The following PHACTR1 variants were observed in gnomAD, a reference collection of about 807,000 sequenced individuals.
PHACTR1 encodes phosphatase and actin regulator 1, also known as RPEL repeat containing 1.
Under a neutral mutation model 69.2 loss-of-function variants are expected in PHACTR1, and 16 were observed. The ratio of observed to expected loss-of-function variants is 0.23; its 90% CI spans 0.16 to 0.35. The LOEUF (loss-of-function observed/expected upper bound fraction) is 0.35, where lower values mean the gene tolerates loss of function less well. PHACTR1 is among the 10% of genes least tolerant of loss of function. PHACTR1 has a pLI of 1.00. For synonymous variants in PHACTR1, 312 were observed against 284.5 expected (o/e 1.10, Z -0.97); for missense variants, 510 against 734.7 (o/e 0.69, Z 3.54).
rs192153401 is a variant in PHACTR1, at chr6:13,033,080, T to G, written c.251-20285T>G. 5.9e-5 allele frequency among the ~76,000 whole-genome samples: 9 copies of G among 152,302 alleles called. No homozygotes were observed. In the South Asian group the frequency reaches 1.0e-3, roughly 18 times the overall value. On this transcript the variant is annotated intron_variant, in intron 4 of 14. Transcript: ENST00000332995. ...TTATGATTTCATTGTTTTTCCAGAG[T>G]GCTAAGGCATTCATCCTAACTTGCA... is the stretch of plus-strand genomic sequence containing the variant.
At chr6:12,944,881 C>T (rs561665182) in intron 4 of PHACTR1, among the ~76,000 whole-genome samples, 1 of 151,710 alleles carries the variant, frequency 6.6e-6, no homozygotes, top group African/African-American at 2.4e-5. Context: ...CTCCCGGGTT[C>T]ACGCCATTCT....
chr6:13,102,273 A>C (rs1224954320), intron 5 of PHACTR1, among the ~76,000 whole-genome samples: 1 of 152,222 alleles, frequency 6.6e-6, no homozygotes, highest in Non-Finnish European at 1.5e-5. Context: ...ACTAATCATC[A>C]GAATTCAACA....
chr6:13,041,509 G>A (rs1410120337), intron 4 of PHACTR1, among the ~76,000 whole-genome samples: 2 of 152,052 alleles, frequency 1.3e-5, no homozygotes, highest in Admixed American at 6.5e-5. Flanking sequence ...GGGAGGTAAT[G>A]GGAGCTACAT....
At chr6:13,033,180 T>C (rs1030021584) in intron 4 of PHACTR1, among the ~76,000 whole-genome samples, 2 of 152,196 alleles carry the variant, frequency 1.3e-5, no homozygotes, top group Non-Finnish European at 2.9e-5. Flanking sequence ...TACACAAAAT[T>C]GCCTTTAAAC....
intron 5 of PHACTR1, among the ~76,000 whole-genome samples, chr6:13,136,936 A>G (rs1821656243): frequency 6.6e-6 from 1 of 152,244 alleles, no homozygotes; most frequent in Admixed American, 6.5e-5. Context: ...ACAGATCACC[A>G]TAACAGACCT....
At position 13,283,535 on chromosome 6, in the gene PHACTR1, G is replaced by A. The variant is rs532711531; in HGVS notation, c.1623G>A (p.Pro541=). The A allele has an allele frequency of 4.2e-5, 68 of 1,613,842 alleles. No individual in the cohort carries two copies. The East Asian group carries it at 6.7e-4, about 16-fold the overall frequency. The change falls in exon 13 of 15, where the codon CCG becomes CCA. Residue 541 remains proline (P), a synonymous_variant. Coordinates refer to ENST00000332995, the MANE Select transcript of PHACTR1 (RefSeq NM_030948.6). This position sits in a 1 kb window ranked among gnomAD's most constrained non-coding sequence, Gnocchi z 4.7. ...ACTATGACCGCAGGGCAGATAAGCCGTGGACCCGCCTCACCGCTGCAGACA... is the reference window on the plus strand; with the variant it reads ...ACTATGACCGCAGGGCAGATAAGCCATGGACCCGCCTCACCGCTGCAGACA... ...AQDYDRRADK[P]WTRLTAADKA... is the part of the protein sequence containing the mutation.
At chr6:13,142,540 TG>T (rs1295278323) in intron 5 of PHACTR1, among the ~76,000 whole-genome samples, 3 of 152,242 alleles carry the variant, frequency 2.0e-5, no homozygotes, top group African/African-American at 7.2e-5. Flanking sequence ...TTTGCTCTAC[TG>T]TTTAGGTCTG....
intron 4 of PHACTR1, among the ~76,000 whole-genome samples, chr6:12,969,526 G>A (rs533370981): frequency 6.6e-6 from 1 of 152,254 alleles, no homozygotes; most frequent in South Asian, 2.1e-4. Context: ...AGGATCACTC[G>A]AGTCCAGGAG....
At chr6:12,984,341 G>T (rs1054654706) in intron 4 of PHACTR1, among the ~76,000 whole-genome samples, 1 of 152,146 alleles carries the variant, frequency 6.6e-6, no homozygotes, top group Non-Finnish European at 1.5e-5. Flanking sequence ...TGTTGTTGTT[G>T]TTTTTTGGAA....
chr6:13,213,679 A>C (rs1289312220), intron 8 of PHACTR1, among the ~76,000 whole-genome samples: 1 of 152,204 alleles, frequency 6.6e-6, no homozygotes, highest in Non-Finnish European at 1.5e-5. Context: ...GACCCTTGTG[A>C]ACTGGACTTC....
intron 4 of PHACTR1, among the ~76,000 whole-genome samples, chr6:13,051,716 T>G (rs1805976361): frequency 6.6e-6 from 1 of 152,216 alleles, no homozygotes. Flanking sequence ...GCAGAATTAG[T>G]TGCTCTCTCC....
chr6:13,148,129 GT>G (rs11428535), intron 5 of PHACTR1, among the ~76,000 whole-genome samples: 25,893 of 140,010 alleles, frequency 0.18, 2,827 homozygotes, highest in South Asian at 0.39. Flanking sequence ...CTTTTGCCTT[GT>G]TTTTTTTTTC....
At chr6:13,239,628 G>A (rs1016788015) in intron 10 of PHACTR1, among the ~76,000 whole-genome samples, 5 of 152,188 alleles carry the variant, frequency 3.3e-5, no homozygotes, top group African/African-American at 1.2e-4. Flanking sequence ...AGAGGTTCTG[G>A]CATTGAGCCA....
chr6:12,739,200 A>G (rs1035480096), intron 3 of PHACTR1, among the ~76,000 whole-genome samples: 3 of 152,198 alleles, frequency 2.0e-5, no homozygotes, highest in Admixed American at 6.5e-5. Context: ...ATGCCTTCAT[A>G]TACTTCCAAC....
intron 12 of PHACTR1, chr6:13,280,218 T>C (rs1779845604): frequency 6.6e-6 from 1 of 152,258 alleles, no homozygotes; most frequent in South Asian, 2.1e-4. Context: ...TTCATAGGTT[T>C]TGCGGGTCTC....
intron 4 of PHACTR1, among the ~76,000 whole-genome samples, chr6:12,854,099 A>T (rs1780094093): frequency 6.6e-6 from 1 of 152,174 alleles, no homozygotes; most frequent in Admixed American, 6.5e-5. Context: ...GGGAAGCAAA[A>T]CGTAACCTAG....
chr6:12,985,341 A>C (rs1796014999), intron 4 of PHACTR1, among the ~76,000 whole-genome samples: 1 of 152,068 alleles, frequency 6.6e-6, no homozygotes. Flanking sequence ...ATGGGCTCAA[A>C]TAGCAGGCAT....
In PHACTR1 at chr6:13,110,932, T is replaced by C. The variant is rs76865116; in HGVS notation, c.416-49272T>C. 9.2e-3 allele frequency among the ~76,000 whole-genome samples: 1,397 copies of C among 152,238 alleles called. 20 individuals carry two copies. The highest frequency in any genetic ancestry group is 0.048 in the Middle Eastern group (14 of 294). ...GGTTTTTGTTTTTTGTTTTTTGTTT[T>C]TTTTCCTTTTCCCTCTCTCTTTTTA... On this transcript the variant is annotated intron_variant, in intron 5 of 14. Transcript: ENST00000332995.
chr6:13,053,772 A>T (rs549453341), intron 5 of PHACTR1, among the ~76,000 whole-genome samples: 1 of 152,244 alleles, frequency 6.6e-6, no homozygotes, highest in Non-Finnish European at 1.5e-5. Context: ...TTTTAATTTG[A>T]TCTACGAATA....
Sources: gnomAD v4.1 joint callset for allele counts (sites outside exome capture counted in the v4.1 genomes callset) on GRCh38, gnomAD v4.1.1 for gene constraint, Gnocchi (gnomAD v3.1) non-coding constraint, MANE v1.5 for transcripts, NCBI Gene and HGNC (gene_info 2026-07-23, HGNC 2026-07-21) for gene names.